TTC7B: variants seen among roughly 807,000 people sequenced by gnomAD.
The protein encoded by TTC7B is tetratricopeptide repeat domain 7B.
In TTC7B, 28 loss-of-function variants were observed where a neutral mutation model predicts 106.8. That is an observed-to-expected ratio of 0.26 (90% CI 0.19 to 0.36). The LOEUF (loss-of-function observed/expected upper bound fraction) is 0.36, where lower values mean the gene tolerates loss of function less well. TTC7B is among the 10% of genes least tolerant of loss of function. The pLI is 1.00. For missense variants in TTC7B, 862 were observed against 1,076.4 expected, an observed-to-expected ratio of 0.80 and a Z score of 2.79; for synonymous variants, 405 against 430.6, an observed-to-expected ratio of 0.94 and a Z score of 0.74.
intron 12 of TTC7B, among the ~76,000 whole-genome samples, chr14:90,654,495 G>A (rs1885864324): frequency 6.6e-6 from 1 of 152,090 alleles, no homozygotes; most frequent in Non-Finnish European, 1.5e-5. Context: ...AGACCCCTAG[G>A]TGTCTTGTGA....
At chr14:90,687,188 G>A (rs1186810461) in intron 7 of TTC7B, among the ~76,000 whole-genome samples, 1 of 152,088 alleles carries the variant, frequency 6.6e-6, no homozygotes, top group Non-Finnish European at 1.5e-5. Flanking sequence ...TGGATGAATT[G>A]TATAATATGT....
At chr14:90,767,318 C>T (rs972723097) in intron 3 of TTC7B, among the ~76,000 whole-genome samples, 1 of 152,134 alleles carries the variant, frequency 6.6e-6, no homozygotes, top group Non-Finnish European at 1.5e-5. Context: ...CAGGCAGTAA[C>T]CTTGAAGACA....
At chr14:90,557,839 G>C (rs1890388663) in intron 19 of TTC7B, among the ~76,000 whole-genome samples, 1 of 152,248 alleles carries the variant, frequency 6.6e-6, no homozygotes, top group African/African-American at 2.4e-5. Context: ...CAGACGATGG[G>C]CTAGTGGGGA....
chr14:90,700,769 C>T (rs1253265410), intron 5 of TTC7B, among the ~76,000 whole-genome samples: 1 of 83,190 alleles, frequency 1.2e-5, no homozygotes, highest in Non-Finnish European at 2.6e-5. Flanking sequence ...TCCGGAAAAG[C>T]AGATACATAC....
chr14:90,561,224 G>A (rs939114333), intron 19 of TTC7B, among the ~76,000 whole-genome samples: 1 of 152,208 alleles, frequency 6.6e-6, no homozygotes, highest in Non-Finnish European at 1.5e-5. Context: ...TGGCTCCCCC[G>A]AGGGGCTGGG....
At chr14:90,593,037 C>T (rs1029634514) in intron 18 of TTC7B, among the ~76,000 whole-genome samples, 12 of 152,330 alleles carry the variant, frequency 7.9e-5, no homozygotes, top group African/African-American at 1.9e-4. Flanking sequence ...GCATTGCACT[C>T]ATCAACCCTG....
At chr14:90,557,682 C>G (rs937867338) in intron 19 of TTC7B, among the ~76,000 whole-genome samples, 1 of 152,256 alleles carries the variant, frequency 6.6e-6, no homozygotes, top group Admixed American at 6.5e-5. Context: ...AGCCCTGGAA[C>G]CCCATTCCCT....
Position 90,808,665 on chromosome 14 carries a change from A to G in TTC7B, c.121+7510T>C, listed in dbSNP as rs977870898. On this transcript the variant is annotated intron_variant, in intron 1 of 19. Coordinates refer to ENST00000328459, the MANE Select transcript of TTC7B (RefSeq NM_001010854.2). This position sits in a 1 kb window ranked among gnomAD's most constrained non-coding sequence, Gnocchi z 4.2. ...CTATCTCTGGGTCAGACATCCGCTCATCCTTGTCTTGGTGGCTGATGGGAA... is the reference window on the plus strand; with the variant it reads ...CTATCTCTGGGTCAGACATCCGCTCGTCCTTGTCTTGGTGGCTGATGGGAA... Among the ~76,000 whole-genome samples the G allele has an allele frequency of 6.6e-6, 1 of 151,174 alleles. No homozygotes were observed. The highest frequency in any genetic ancestry group is 2.4e-5 in the African/African-American group (1 of 41,116).
intron 6 of TTC7B, among the ~76,000 whole-genome samples, chr14:90,692,657 T>C (rs532999730): frequency 6.6e-6 from 1 of 152,284 alleles, no homozygotes; most frequent in Middle Eastern, 3.4e-3. Flanking sequence ...ATTCAGTCAG[T>C]TACTTTCATT....
At chr14:90,804,733 G>C (rs1029432319) in intron 1 of TTC7B, among the ~76,000 whole-genome samples, 1 of 152,194 alleles carries the variant, frequency 6.6e-6, no homozygotes, top group African/African-American at 2.4e-5. Flanking sequence ...GCACCTGGTC[G>C]ACTGGACACT....
At chr14:90,699,018 G>C in intron 5 of TTC7B, 1 of 346,692 alleles carries the variant, frequency 2.9e-6, no homozygotes, top group African/African-American at 2.2e-5. Flanking sequence ...TCCTTCCAGG[G>C]CTTGTCTGCT....
rs1030806665 is a variant in TTC7B, at chr14:90,780,836, G to A, written c.347C>T (p.Ala116Val). The change falls in exon 3 of 20, where the codon GCT (alanine) becomes GTT (valine). Residue 116 changes from alanine to valine, a missense_variant. Physicochemically the swap from Ala to Val is moderately conservative, Grantham distance 64. Transcript: ENST00000328459. The part of the protein sequence containing the change: ...LNYVEGDYKE[A>V]LNIYARVGLD... The stretch of plus-strand genomic sequence containing the variant: ...GCCCACCCGGGCGTAAATGTTCAGA[G>A]CTTCTTTATAATCACCTTCCACATA... 1.4e-5 allele frequency: 23 copies of A among 1,614,258 alleles called. No homozygotes were observed. In the East Asian group the frequency reaches 4.7e-4, roughly 33 times the overall value.
chr14:90,546,645 G>A (rs1267375803), intron 19 of TTC7B, among the ~76,000 whole-genome samples: 7 of 152,208 alleles, frequency 4.6e-5, no homozygotes, highest in African/African-American at 1.7e-4. Context: ...CCAGCAGCAC[G>A]CAGCTCCTGC....
chr14:90,667,810 C>A (rs1886469846), intron 9 of TTC7B, among the ~76,000 whole-genome samples: 3 of 152,146 alleles, frequency 2.0e-5, no homozygotes, highest in African/African-American at 7.2e-5. Context: ...GGAGAAGGAG[C>A]CATCCATTAC....
chr14:90,741,006 A>G (rs1171721279), intron 4 of TTC7B, among the ~76,000 whole-genome samples: 2 of 152,198 alleles, frequency 1.3e-5, no homozygotes, highest in Non-Finnish European at 2.9e-5. Flanking sequence ...GCCTCATGGC[A>G]ACTAGGACTG....
intron 19 of TTC7B, among the ~76,000 whole-genome samples, chr14:90,558,992 C>T (rs1890452515): frequency 6.6e-6 from 1 of 152,328 alleles, no homozygotes; most frequent in Non-Finnish European, 1.5e-5. Context: ...CGGCAGAGAC[C>T]CAGCCTGGCA....
intron 5 of TTC7B, among the ~76,000 whole-genome samples, chr14:90,700,373 T>G (rs1887937494): frequency 6.6e-6 from 1 of 152,118 alleles, no homozygotes; most frequent in African/African-American, 2.4e-5. Context: ...ACTTTATACC[T>G]TTCCATACTG....
chr14:90,543,806 G>A (rs1889705145), intron 19 of TTC7B, among the ~76,000 whole-genome samples: 1 of 152,204 alleles, frequency 6.6e-6, no homozygotes, highest in Admixed American at 6.5e-5. Context: ...GCTTTAGGCA[G>A]TGTGAGCATG....
intron 19 of TTC7B, among the ~76,000 whole-genome samples, chr14:90,542,956 A>G (rs1366543704): frequency 1.3e-5 from 2 of 152,208 alleles, no homozygotes; most frequent in African/African-American, 4.8e-5. Context: ...TTTTTCAGCC[A>G]TCAGCAGTTT....
Sources: gnomAD v4.1 joint callset for allele counts (sites outside exome capture counted in the v4.1 genomes callset) on GRCh38, gnomAD v4.1.1 for gene constraint, Gnocchi (gnomAD v3.1) non-coding constraint, MANE v1.5 for transcripts, NCBI Gene and HGNC (gene_info 2026-07-23, HGNC 2026-07-21) for gene names.